UIMC1: variants seen among roughly 807,000 people sequenced by gnomAD.
UIMC1 encodes BRCA1-A complex subunit RAP80.
UIMC1 carries 42 observed loss-of-function variants against 84.9 expected under a neutral mutation model. The ratio of observed to expected loss-of-function variants is 0.49; its 90% confidence interval spans 0.39 to 0.64. The LOEUF (loss-of-function observed/expected upper bound fraction) is 0.64, where lower values mean the gene tolerates loss of function less well. UIMC1 is among the 30% of genes least tolerant of loss of function. UIMC1 has a pLI of 0.00. For synonymous variants in UIMC1, 281 were observed against 293.0 expected, an observed-to-expected ratio of 0.96 and a Z score of 0.42; for missense variants, 825 against 847.6, an observed-to-expected ratio of 0.97 and a Z score of 0.33.
rs566175830 is a variant in UIMC1 at position 176,912,495 on chromosome 5, A to G, written c.1598-1106T>C. Among the ~76,000 whole-genome samples the G allele has an allele frequency of 1.7e-3, 234 of 139,406 alleles. 1 individual carries two copies. The highest frequency in any genetic ancestry group is 6.0e-3 in the African/African-American group (224 of 37,228). The allele number at this position is 139,406 out of a possible 152,430, so 91.5% of individuals were successfully genotyped here. ...TTTTGTTTTTTTTTTTTTTTGAGAC[A>G]TAGTCTCACTCTTCTTGCTCAGGCT... is the stretch of plus-strand genomic sequence containing the variant. On this transcript the variant is annotated intron_variant, in intron 10 of 14. Transcript: ENST00000511320.
At chr5:177,019,289 C>A (rs1465579927) in intron 1 of UIMC1, among the ~76,000 whole-genome samples, 1 of 152,086 alleles carries the variant, frequency 6.6e-6, no homozygotes, top group Non-Finnish European at 1.5e-5. Flanking sequence ...AAATCCCTCA[C>A]AGAAACCACC....
In UIMC1 at chr5:176,905,461, A is replaced by T. The variant is rs773249709; in HGVS notation, c.1981T>A (p.Cys661Ser). ...AAAGAACTCTGCATCTCTCTGCTGC[A>T]GCCTGCCTCTTCCATCCCTGGTGAA... Reference protein sequence around the residue: ...VPSPGMEEAGCSREMQSSFTR... With the variant: ...VPSPGMEEAGSSREMQSSFTR... The change falls in exon 15 of 15, where the codon TGC (cysteine) becomes AGC (serine). Residue 661 changes from cysteine to serine, a missense_variant. Physicochemically the swap from Cys to Ser is moderately radical, Grantham distance 112. Coordinates refer to ENST00000511320, the MANE Select transcript of UIMC1 (RefSeq NM_001199298.2). The T allele has an allele frequency of 1.9e-6, 3 of 1,614,150 alleles. No individual in the cohort carries two copies. Among genetic ancestry groups the T allele is most frequent in the Non-Finnish European group, 2.5e-6 (3 of 1,180,010 alleles).
At position 176,943,218 on chromosome 5, in the gene UIMC1, CCAA is replaced by C. The variant is rs1486494815; in HGVS notation, c.1597+114_1597+116del. 3.8e-6 allele frequency: 5 copies of C among 1,328,208 alleles called. No homozygotes were observed. In the East Asian group the frequency reaches 7.5e-5, roughly 20 times the overall value. 82.3% of individuals were successfully genotyped at this position (1,328,208 alleles called of 1,614,324 possible). A position where few individuals can be genotyped will look rare whatever the true frequency, so the allele number is the denominator to read the frequency against. ...ATAACTAGATAGAAAAAACCCAAGACCAACAACAACTTTAACTTTGAAGAACAG... is the reference window on the plus strand; with the variant it reads ...ATAACTAGATAGAAAAAACCCAAGACCAACAACTTTAACTTTGAAGAACAG... On this transcript the variant is annotated intron_variant, in intron 10 of 14. Transcript: ENST00000511320.
Position 177,005,691 on chromosome 5 carries a change from G to C in UIMC1, c.-9+959C>G, listed in dbSNP as rs529407404. The stretch of plus-strand genomic sequence containing the variant: ...TGATTCCAAAAACACACTTTCATTC[G>C]ACTACAAGGCACTGCCTCCCTTGAC... On this transcript the variant is annotated intron_variant, in intron 1 of 14. Transcript: ENST00000511320. Among the ~76,000 whole-genome samples the C allele has an allele frequency of 1.4e-4, 21 of 151,908 alleles. No individual in the cohort carries two copies. In the South Asian group the frequency reaches 4.4e-3, roughly 32 times the overall value.
At chr5:176,988,520 G>T (rs1277095597) in intron 1 of UIMC1, among the ~76,000 whole-genome samples, 1 of 152,050 alleles carries the variant, frequency 6.6e-6, no homozygotes, top group Non-Finnish European at 1.5e-5. Context: ...TGAGATAGGG[G>T]AAAATGTACA....
At chr5:176,925,207 T>C (rs1762243349) in intron 10 of UIMC1, among the ~76,000 whole-genome samples, 2 of 152,084 alleles carry the variant, frequency 1.3e-5, no homozygotes, top group Non-Finnish European at 2.9e-5. Context: ...TTGAACACTT[T>C]ACAGAAGATA....
intron 10 of UIMC1, among the ~76,000 whole-genome samples, chr5:176,940,216 AG>A (rs1764247792): frequency 6.6e-6 from 1 of 152,242 alleles, no homozygotes; most frequent in Non-Finnish European, 1.5e-5. Context: ...CACTCCAGTA[AG>A]GAAGACCGGC....
At chr5:176,941,670 A>C (rs1198684502) in intron 10 of UIMC1, among the ~76,000 whole-genome samples, 1 of 152,190 alleles carries the variant, frequency 6.6e-6, no homozygotes, top group African/African-American at 2.4e-5. Flanking sequence ...CAACACTTCC[A>C]ATTACCTAGG....
intron 10 of UIMC1, among the ~76,000 whole-genome samples, chr5:176,934,739 G>GT (rs1233596700): frequency 6.6e-6 from 1 of 152,166 alleles, no homozygotes; most frequent in Non-Finnish European, 1.5e-5. Context: ...TGACTACACC[G>GT]TAAGTGGACA....
At chr5:176,949,992 T>C (rs1765642928) in intron 9 of UIMC1, among the ~76,000 whole-genome samples, 1 of 151,266 alleles carries the variant, frequency 6.6e-6, no homozygotes, top group African/African-American at 2.4e-5. Context: ...GAGGTGGAGA[T>C]TGCAGTGAGC....
intron 2 of UIMC1, among the ~76,000 whole-genome samples, chr5:176,981,634 C>CAA: frequency 6.7e-6 from 1 of 149,558 alleles, no homozygotes; most frequent in East Asian, 2.0e-4. Context: ...CCCATCTCTA[C>CAA]AAAAAAAAAT....
chr5:176,911,412 T>A, intron 10 of UIMC1, 23 bp from the exon 11 acceptor site: 1 of 1,456,518 alleles, frequency 6.9e-7, no homozygotes, highest in Non-Finnish European at 9.1e-7. Flanking sequence ...AAAATATATA[T>A]ATATACACAT....
intron 10 of UIMC1, among the ~76,000 whole-genome samples, chr5:176,924,739 C>G (rs1286732748): frequency 6.6e-6 from 1 of 151,976 alleles, no homozygotes; most frequent in African/African-American, 2.4e-5. Context: ...AGCAAGATAC[C>G]ATTAAGAAAA....
At position 176,964,029 on chromosome 5, in the gene UIMC1, T is replaced by C. The variant is rs557903074; in HGVS notation, c.1200+4526A>G. Reference sequence around the variant, plus strand: ...ATGCCAAAAACCAGTTATCATCTGATTCTAAAGCTTTAATAACCTTAATAT... The same window carrying C: ...ATGCCAAAAACCAGTTATCATCTGACTCTAAAGCTTTAATAACCTTAATAT... On this transcript the variant is annotated intron_variant, in intron 6 of 14. Transcript: ENST00000511320. Among the ~76,000 whole-genome samples, 19 of 152,330 alleles carry C rather than the reference T, an allele frequency of 1.2e-4. No homozygotes were observed. In the South Asian group the frequency reaches 3.7e-3, roughly 30 times the overall value.
At chr5:176,932,136 G>A (rs1382009302) in intron 10 of UIMC1, among the ~76,000 whole-genome samples, 1 of 152,174 alleles carries the variant, frequency 6.6e-6, no homozygotes. Flanking sequence ...CTAAGAGTAT[G>A]TACGTCAGTA....
chr5:176,932,761 T>C (rs1561768777), intron 10 of UIMC1, among the ~76,000 whole-genome samples: 1 of 152,024 alleles, frequency 6.6e-6, no homozygotes, highest in Non-Finnish European at 1.5e-5. Context: ...TTAAACCTAA[T>C]ACTTTGGGCA....
chr5:176,997,143 C>G (rs898526860), intron 1 of UIMC1, among the ~76,000 whole-genome samples: 15 of 50,648 alleles, frequency 3.0e-4, no homozygotes, highest in Non-Finnish European at 7.4e-4. Flanking sequence ...ATCTTTAACT[C>G]TCTTTCCCTC....
rs147266727 is a variant in UIMC1, at chr5:176,960,169, G to A, written c.1201-2015C>T. On this transcript the variant is annotated intron_variant, in intron 6 of 14. Coordinates refer to ENST00000511320, the MANE Select transcript of UIMC1 (RefSeq NM_001199298.2). Reference sequence around the variant, plus strand: ...TTATTTTAAAAATAAGTGAAACTTCGAGAGGTTAAATAATTTGCCCTAAAT... The same window carrying A: ...TTATTTTAAAAATAAGTGAAACTTCAAGAGGTTAAATAATTTGCCCTAAAT... 6.8e-3 allele frequency among the ~76,000 whole-genome samples: 1,028 copies of A among 152,214 alleles called. 12 individuals carry two copies. Among genetic ancestry groups the A allele is most frequent in the South Asian group, 0.035 (167 of 4,820 alleles).
intron 10 of UIMC1, among the ~76,000 whole-genome samples, chr5:176,924,999 C>T (rs796731999): frequency 2.0e-5 from 3 of 149,808 alleles, no homozygotes; most frequent in African/African-American, 7.4e-5. Context: ...CCACTGCACT[C>T]CAGCCTGGGC....
Sources: gnomAD v4.1 joint callset for allele counts (sites outside exome capture counted in the v4.1 genomes callset) on GRCh38, gnomAD v4.1.1 for gene constraint, MANE v1.5 for transcripts, NCBI Gene and HGNC (gene_info 2026-07-23, HGNC 2026-07-21) for gene names.